The following VPS16 variants were observed in gnomAD, a reference collection of about 807,000 sequenced individuals.
VPS16 encodes the protein VPS16 core subunit of CORVET and HOPS complexes.
Under a neutral mutation model 116.0 loss-of-function variants are expected in VPS16, and 82 were observed. The observed-to-expected ratio is 0.71, with a 90% CI of 0.59 to 0.85. The LOEUF (loss-of-function observed/expected upper bound fraction) is 0.85, where lower values mean the gene tolerates loss of function less well. Among genes scored for constraint, VPS16 ranks in the 40% least tolerant of loss-of-function variants. The probability of loss-of-function intolerance (pLI) is 0.00; values close to 1 mark genes in which losing one functional copy is unlikely to be tolerated. For missense variants in VPS16, 928 were observed against 1,090.6 expected (o/e 0.85, Z 2.10); for synonymous variants, 406 against 420.7 (o/e 0.96, Z 0.43).
Position 2,842,868 on chromosome 20 carries a change from A to C in VPS16, c.53+2041A>C, listed in dbSNP as rs77694363. Among the ~76,000 whole-genome samples, 184 of 25,818 alleles carry C rather than the reference A, an allele frequency of 7.1e-3. 2 individuals carry two copies. Among genetic ancestry groups the C allele is most frequent in the African/African-American group, 0.01 (54 of 5,166 alleles). The allele number at this position is 25,818 out of a possible 152,430, so 16.9% of individuals were successfully genotyped here. ...TCGATAGATAGATGTATCTATCGAT[A>C]GATAGATAGATGTATCTATCGATAG... is the stretch of plus-strand genomic sequence containing the variant. On this transcript the variant is annotated intron_variant, in intron 1 of 23. Transcript: ENST00000380445.
chr20:2,860,812 G>A lies in VPS16; in HGVS notation c.579G>A (p.Leu193=). ...LCQDRVAHIL[L]AVGPDLYLLD... is the part of the protein sequence containing the mutation. ...AGGACCGAGTGGCACACATTCTTCT[G>A]GCTGTGGGGCCTGACCTTTACCTCT... is the stretch of plus-strand genomic sequence containing the variant. Residue 193 remains leucine, a synonymous_variant, in exon 6 of 24, where the codon CTG becomes CTA. Transcript: ENST00000380445. The surrounding 1 kb of genome is among the most constrained non-coding windows in gnomAD (Gnocchi z 6.1). 6.2e-7 allele frequency: 1 copy of A among 1,614,100 alleles called. No homozygotes were observed. The highest frequency in any genetic ancestry group is 1.1e-5 in the South Asian group (1 of 91,092).
intron 1 of VPS16, among the ~76,000 whole-genome samples, chr20:2,857,217 T>G (rs571840866): frequency 6.6e-6 from 1 of 152,288 alleles, no homozygotes; most frequent in African/African-American, 2.4e-5. Flanking sequence ...CCTCAGGTGA[T>G]CTTCCCACCT....
chr20:2,859,567 A>G (rs2089205055), intron 1 of VPS16, 152 bp from the exon 2 acceptor site: 2 of 904,908 alleles, frequency 2.2e-6, no homozygotes, highest in Admixed American at 4.6e-5. Context: ...CTTTCTGGTC[A>G]TCACCCTCCT....
intron 1 of VPS16, 99 bp downstream of exon 1, chr20:2,840,926 G>T (rs2088962591): frequency 1.6e-6 from 2 of 1,219,662 alleles, no homozygotes; most frequent in Non-Finnish European, 2.3e-6. Flanking sequence ...ACTGGCGCTG[G>T]GGTCCGCCCC....
intron 1 of VPS16, among the ~76,000 whole-genome samples, chr20:2,851,952 AGAGC>A (rs2089127104): frequency 6.6e-6 from 1 of 152,214 alleles, no homozygotes; most frequent in African/African-American, 2.4e-5. Flanking sequence ...CCTGGGCGAC[AGAGC>A]GAGACGCTGT....
At chr20:2,846,991 T>A (rs114852490) in intron 1 of VPS16, among the ~76,000 whole-genome samples, 3,895 of 152,242 alleles carry the variant, frequency 0.026, 139 homozygotes, top group African/African-American at 0.076. Flanking sequence ...CCTCACTAAG[T>A]GTGTGGCCTC....
At position 2,864,407 on chromosome 20, in the gene VPS16, G is replaced by A; in HGVS notation, c.1763G>A (p.Gly588Glu). Residue 588 changes from glycine to glutamate, a missense_variant, in exon 18 of 24, where the codon GGA becomes GAA. Gly to Glu is a moderately conservative substitution (Grantham distance 98, BLOSUM62 -2). Coordinates refer to ENST00000380445, the MANE Select transcript of VPS16 (RefSeq NM_022575.4). The surrounding 1 kb of genome is among the most constrained non-coding windows in gnomAD (Gnocchi z 5.2). The part of the protein sequence containing the change: ...LLHLKNELNR[G>E]DFFMTLRNQP... ...CACCTGAAGAACGAGCTGAACCGAG[G>A]AGATTTTTTCATGACCCTTCGGAAT... The A allele has an allele frequency of 6.2e-7, 1 of 1,614,188 alleles. No individual in the cohort carries two copies. Among genetic ancestry groups the A allele is most frequent in the Non-Finnish European group, 8.5e-7 (1 of 1,180,036 alleles).
Position 2,866,579 on chromosome 20 carries a change from T to C in VPS16, c.*5T>C. On this transcript the variant is annotated 3_prime_UTR_variant, in exon 24 of 24. Transcript: ENST00000380445. The stretch of plus-strand genomic sequence containing the variant: ...GCACAAGCCCAGAAGAAGTGAGGAG[T>C]CCATCCTGTACATCTCAAGCAAGGG... 1 of 1,613,612 alleles carries C rather than the reference T, an allele frequency of 6.2e-7. No individual in the cohort carries two copies. Among genetic ancestry groups the C allele is most frequent in the Non-Finnish European group, 8.5e-7 (1 of 1,179,890 alleles).
At position 2,864,979 on chromosome 20, in the gene VPS16, G is replaced by A. The variant is rs200082873; in HGVS notation, c.1928G>A (p.Arg643His). Residue 643 changes from arginine to histidine, a missense_variant and splice_region_variant, in exon 20 of 24, where the codon CGT (arginine) becomes CAT (histidine). By Grantham distance (29) the Arg-to-His change is conservative. Coordinates refer to ENST00000380445, the MANE Select transcript of VPS16 (RefSeq NM_022575.4). The surrounding 1 kb of genome is among the most constrained non-coding windows in gnomAD (Gnocchi z 5.2). The part of the protein sequence containing the change: ...HIRASYAAEE[R>H]IEGRVAALQT... ...AGGCCTTCCTTCTTGTCTTTATAGC[G>A]TATTGAGGGGCGAGTAGCAGCTCTG... 9.7e-5 allele frequency: 157 copies of A among 1,614,122 alleles called. No homozygotes were observed. The highest frequency in any genetic ancestry group is 3.3e-4 in the Middle Eastern group (2 of 6,058).
intron 1 of VPS16, 124 bp downstream of exon 1, chr20:2,840,951 C>T (rs1568619462): frequency 2.1e-6 from 2 of 947,402 alleles, no homozygotes; most frequent in Non-Finnish European, 3.1e-6. Context: ...CGGCTCTCCC[C>T]GAGCGTCTGC....
In VPS16 at chr20:2,861,648, G is replaced by A. The variant is rs1451477631; in HGVS notation, c.843G>A (p.Val281=). The A allele has an allele frequency of 6.2e-7, 1 of 1,613,122 alleles. No individual in the cohort carries two copies. Among genetic ancestry groups the A allele is most frequent in the Non-Finnish European group, 8.5e-7 (1 of 1,179,898 alleles). ...CSRPRSKERA[V]VVAWERRLMV... ...GTCCTCGTAGCAAGGAGAGGGCCGTGGTGGTGGCCTGGGAAAGGCGGCTGA... is the reference window on the plus strand; with the variant it reads ...GTCCTCGTAGCAAGGAGAGGGCCGTAGTGGTGGCCTGGGAAAGGCGGCTGA... Residue 281 remains valine, a synonymous_variant, in exon 9 of 24, where the codon GTG becomes GTA. Coordinates refer to ENST00000380445, the MANE Select transcript of VPS16 (RefSeq NM_022575.4).
In VPS16 at chr20:2,865,794, AG is replaced by A; in HGVS notation, c.2271+304del. ...GGAAAGTCTTGTCTGAGGAGGGTGG[AG>A]GGGGCACAGGGAGGGTGCATATGGG... is the stretch of plus-strand genomic sequence containing the variant. On this transcript the variant is annotated intron_variant, in intron 22 of 23. Coordinates refer to ENST00000380445, the MANE Select transcript of VPS16 (RefSeq NM_022575.4). This position sits in a 1 kb window ranked among gnomAD's most constrained non-coding sequence, Gnocchi z 5.2. The A allele has an allele frequency of 2.1e-6, 1 of 483,304 alleles. No homozygotes were observed. The highest frequency in any genetic ancestry group is 3.7e-6 in the Non-Finnish European group (1 of 267,830). 29.9% of individuals were successfully genotyped at this position (483,304 alleles called of 1,614,324 possible). A position where few individuals can be genotyped will look rare whatever the true frequency, so the allele number is the denominator to read the frequency against.
chr20:2,852,258 A>G (rs925310221), intron 1 of VPS16, among the ~76,000 whole-genome samples: 3 of 152,148 alleles, frequency 2.0e-5, no homozygotes, highest in Non-Finnish European at 2.9e-5. Context: ...CTGGAAGCAC[A>G]GGAGGGCCCC....
intron 1 of VPS16, among the ~76,000 whole-genome samples, chr20:2,847,400 C>G (rs1197245375): frequency 1.3e-5 from 2 of 152,108 alleles, no homozygotes; most frequent in African/African-American, 4.8e-5. Context: ...CTCACCCACC[C>G]CCTCCCTGGA....
rs535389071 is a variant in VPS16 at position 2,857,550 on chromosome 20, A to C, written c.54-2169A>C. Among the ~76,000 whole-genome samples, 471 of 148,122 alleles carry C rather than the reference A, an allele frequency of 3.2e-3. 2 individuals are homozygous for C. The highest frequency in any genetic ancestry group is 0.014 in the Middle Eastern group (4 of 282). On this transcript the variant is annotated intron_variant, in intron 1 of 23. Coordinates refer to ENST00000380445, the MANE Select transcript of VPS16 (RefSeq NM_022575.4). ...GAGACGGAGTCTCACTCTGTCGCCC[A>C]GGCAGCTGGAGTGCAGTGGCACAAT...
chr20:2,844,874 A>G (rs2089042532), intron 1 of VPS16, among the ~76,000 whole-genome samples: 1 of 152,152 alleles, frequency 6.6e-6, no homozygotes, highest in South Asian at 2.1e-4. Flanking sequence ...AGAACAGGAC[A>G]TGGATGAAGT....
At chr20:2,851,695 C>T (rs908140838) in intron 1 of VPS16, among the ~76,000 whole-genome samples, 4 of 150,548 alleles carry the variant, frequency 2.7e-5, no homozygotes, top group African/African-American at 9.8e-5. Context: ...ACAGGCTGGG[C>T]GAGGTGGCTC....
rs1197853023 is a variant in VPS16 at position 2,865,571 on chromosome 20, A to T, written c.2271+76A>T. ...GAGAGAGGGCTAGGCAGGGAGACAGATAGGATGGCCCGTTCATGCTCCTGT... is the reference window on the plus strand; with the variant it reads ...GAGAGAGGGCTAGGCAGGGAGACAGTTAGGATGGCCCGTTCATGCTCCTGT... On this transcript the variant is annotated intron_variant, in intron 22 of 23. Coordinates refer to ENST00000380445, the MANE Select transcript of VPS16 (RefSeq NM_022575.4). The surrounding 1 kb of genome is among the most constrained non-coding windows in gnomAD (Gnocchi z 5.2). The T allele has an allele frequency of 7.3e-7, 1 of 1,372,578 alleles. No homozygotes were observed. Among genetic ancestry groups the T allele is most frequent in the Non-Finnish European group, 1.0e-6 (1 of 992,284 alleles). 85.0% of individuals were successfully genotyped at this position (1,372,578 alleles called of 1,614,324 possible).
intron 1 of VPS16, among the ~76,000 whole-genome samples, chr20:2,841,823 G>A (rs752657708): frequency 9.3e-5 from 14 of 151,158 alleles, no homozygotes; most frequent in Non-Finnish European, 2.1e-4. Flanking sequence ...AGGGGCACTC[G>A]GCTCACTGCA....
Sources: allele counts gnomAD v4.1 joint callset (sites outside exome capture counted in the v4.1 genomes callset), GRCh38; gene constraint gnomAD v4.1.1; non-coding constraint Gnocchi (gnomAD v3.1); transcripts MANE v1.5; gene names NCBI Gene and HGNC (gene_info 2026-07-23, HGNC 2026-07-21).